The following KAT2B variants were observed in gnomAD, a reference collection of about 807,000 sequenced individuals.
The protein encoded by KAT2B is histone acetyltransferase KAT2B.
KAT2B carries 36 observed loss-of-function variants against 105.9 expected under a neutral mutation model. The ratio of observed to expected loss-of-function variants is 0.34; its 90% confidence interval spans 0.26 to 0.45. The LOEUF is 0.45. Ranked by LOEUF, KAT2B falls within the 20% of genes least tolerant of loss-of-function variation. KAT2B has a pLI of 1.00. For missense variants in KAT2B, 820 were observed against 1,021.6 expected (o/e 0.80, Z 2.69); for synonymous variants, 397 against 377.9 (o/e 1.05, Z -0.59).
At chr3:20,145,554 GTTTT>G (rs550166293) in intron 13 of KAT2B, among the ~76,000 whole-genome samples, 18,148 of 93,170 alleles carry the variant, frequency 0.19, 760 homozygotes, top group East Asian at 0.47. Context: ...GATTTTTTTA[GTTTT>G]TTTTTTTTTT....
At chr3:20,097,748 G>A (rs1698836327) in intron 3 of KAT2B, among the ~76,000 whole-genome samples, 1 of 151,986 alleles carries the variant, frequency 6.6e-6, no homozygotes, top group African/African-American at 2.4e-5. Flanking sequence ...TGTCGGCCAC[G>A]CTTGTCTTGA....
At position 20,122,827 on chromosome 3, in the gene KAT2B, G is replaced by C. The variant is rs1490215461; in HGVS notation, c.1413+23G>C. On this transcript the variant is annotated intron_variant, in intron 9 of 17. Coordinates refer to ENST00000263754, the MANE Select transcript of KAT2B (RefSeq NM_003884.5). Reference sequence around the variant, plus strand: ...GAGGTCAGCAGGGTAAACCTGGGCAGCCAGCTGGTAGACCTCTTCTGCTCT... The same window carrying C: ...GAGGTCAGCAGGGTAAACCTGGGCACCCAGCTGGTAGACCTCTTCTGCTCT... 5.6e-6 allele frequency: 9 copies of C among 1,595,804 alleles called. No homozygotes were observed. In the Admixed American group the frequency reaches 1.4e-4, roughly 24 times the overall value.
At chr3:20,133,748 C>G (rs1292540802) in intron 11 of KAT2B, among the ~76,000 whole-genome samples, 2 of 152,132 alleles carry the variant, frequency 1.3e-5, no homozygotes, top group Admixed American at 6.5e-5. Context: ...CATTTTTCAC[C>G]AGTGGTGTTG....
At chr3:20,143,427 C>G (rs1699727847) in intron 13 of KAT2B, among the ~76,000 whole-genome samples, 1 of 152,206 alleles carries the variant, frequency 6.6e-6, no homozygotes, top group South Asian at 2.1e-4. Flanking sequence ...CTTATACACT[C>G]TTGGTGGGAA....
chr3:20,145,664 A>G (rs1207293232), intron 13 of KAT2B, among the ~76,000 whole-genome samples: 4 of 149,710 alleles, frequency 2.7e-5, no homozygotes, highest in Non-Finnish European at 5.9e-5. Flanking sequence ...ACATCTCTCA[A>G]AATTTCTCAG....
intron 1 of KAT2B, among the ~76,000 whole-genome samples, chr3:20,059,010 A>C (rs1444833722): frequency 2.0e-5 from 3 of 152,214 alleles, no homozygotes; most frequent in African/African-American, 7.2e-5. Flanking sequence ...TTTGAGAAGC[A>C]CTACTCCTAA....
chr3:20,139,613 ATATAT>A lies in KAT2B; in HGVS notation c.1861-604_1861-600del, dbSNP rs550129173. Reference sequence around the variant, plus strand: ...AAGGCAAATTATGTTTATATTATAAATATATTATTTATAATTTTGAATATATACTC... The same window carrying A: ...AAGGCAAATTATGTTTATATTATAAATATTTATAATTTTGAATATATACTC... On this transcript the variant is annotated intron_variant, in intron 12 of 17. Transcript: ENST00000263754. Among the ~76,000 whole-genome samples, 11 of 152,062 alleles carry A rather than the reference ATATAT, an allele frequency of 7.2e-5. No individual in the cohort carries two copies. In the East Asian group the frequency reaches 2.1e-3, roughly 29 times the overall value.
At chr3:20,086,679 C>G (rs774193696) in intron 2 of KAT2B, among the ~76,000 whole-genome samples, 3 of 152,188 alleles carry the variant, frequency 2.0e-5, no homozygotes, top group Non-Finnish European at 2.9e-5. Context: ...CATCACTCTG[C>G]CTTTCAATTA....
intron 2 of KAT2B, 88 bp downstream of exon 2, chr3:20,072,547 T>G: frequency 1.6e-6 from 2 of 1,278,566 alleles, no homozygotes; most frequent in Non-Finnish European, 1.1e-6. Flanking sequence ...TTCACCAAAT[T>G]TGAATGCTGT....
At position 20,147,841 on chromosome 3, in the gene KAT2B, G is replaced by T. The variant is rs752008987; in HGVS notation, c.2120-122G>T. ...TAACTAATTGCCATTAATTTCAGTC[G>T]TCTCTCAGAAGTAGACTTTTATTGT... On this transcript the variant is annotated intron_variant, in intron 14 of 17. Coordinates refer to ENST00000263754, the MANE Select transcript of KAT2B (RefSeq NM_003884.5). The T allele has an allele frequency of 4.8e-6, 4 of 841,166 alleles. 1 individual carries two copies. The African/African-American group carries it at 7.0e-5, about 15-fold the overall frequency. 52.1% of individuals were successfully genotyped at this position (841,166 alleles called of 1,614,324 possible). A position where few individuals can be genotyped will look rare whatever the true frequency, so the allele number is the denominator to read the frequency against.
At position 20,111,463 on chromosome 3, in the gene KAT2B, GA is replaced by G. The variant is rs143107074; in HGVS notation, c.852-132del. The G allele has an allele frequency of 9.1e-4, 590 of 646,840 alleles. 2 individuals carry two copies. In the African/African-American group the frequency reaches 9.8e-3, roughly 11 times the overall value. 40.1% of individuals were successfully genotyped at this position (646,840 alleles called of 1,614,324 possible). A position where few individuals can be genotyped will look rare whatever the true frequency, so the allele number is the denominator to read the frequency against. Reference sequence around the variant, plus strand: ...TTCCCAAGTTTCACTAGCTGGCAGGGATATTGTTGCTTGTTATTGCAGGCCT... The same window carrying G: ...TTCCCAAGTTTCACTAGCTGGCAGGGTATTGTTGCTTGTTATTGCAGGCCT... On this transcript the variant is annotated intron_variant, in intron 5 of 17. Transcript: ENST00000263754.
At chr3:20,051,188 A>G (rs1697909539) in intron 1 of KAT2B, among the ~76,000 whole-genome samples, 1 of 133,648 alleles carries the variant, frequency 7.5e-6, no homozygotes, top group African/African-American at 2.9e-5. Flanking sequence ...TGACAGAGCA[A>G]TACTCTGTCT....
At chr3:20,071,523 A>G (rs1341385060) in intron 1 of KAT2B, among the ~76,000 whole-genome samples, 3 of 152,230 alleles carry the variant, frequency 2.0e-5, no homozygotes, top group Non-Finnish European at 4.4e-5. Flanking sequence ...CTGCTGAAGC[A>G]TACAGTGTGG....
At chr3:20,078,200 A>ATAAT (rs1438407865) in intron 2 of KAT2B, among the ~76,000 whole-genome samples, 7 of 152,028 alleles carry the variant, frequency 4.6e-5, no homozygotes, top group Non-Finnish European at 8.8e-5. Flanking sequence ...AAATAAATAA[A>ATAAT]TAAATAAAAA....
At chr3:20,084,568 A>G (rs1698580777) in intron 2 of KAT2B, among the ~76,000 whole-genome samples, 1 of 152,130 alleles carries the variant, frequency 6.6e-6, no homozygotes, top group Non-Finnish European at 1.5e-5. Flanking sequence ...ATATTGCATT[A>G]TGGTAATAAA....
At chr3:20,074,564 A>G (rs577849493) in intron 2 of KAT2B, among the ~76,000 whole-genome samples, 1 of 152,222 alleles carries the variant, frequency 6.6e-6, no homozygotes. Flanking sequence ...TAGTGGTACT[A>G]TAACACTATC....
At chr3:20,116,432 A>G (rs1045338219) in intron 7 of KAT2B, among the ~76,000 whole-genome samples, 5 of 152,158 alleles carry the variant, frequency 3.3e-5, no homozygotes, top group African/African-American at 4.8e-5. Flanking sequence ...TGGCAGCACA[A>G]TGGAATCACC....
At chr3:20,142,309 T>C (rs989017684) in intron 13 of KAT2B, among the ~76,000 whole-genome samples, 2 of 152,082 alleles carry the variant, frequency 1.3e-5, no homozygotes, top group African/African-American at 4.8e-5. Context: ...GTTGAATGGG[T>C]GATGGAGGTT....
At chr3:20,130,384 C>T (rs369929349) in intron 11 of KAT2B, among the ~76,000 whole-genome samples, 29 of 152,222 alleles carry the variant, frequency 1.9e-4, no homozygotes, top group South Asian at 6.2e-4. Context: ...CATTATTCTC[C>T]GCTAGCCAAA....
Sources: allele counts gnomAD v4.1 joint callset (sites outside exome capture counted in the v4.1 genomes callset), GRCh38; gene constraint gnomAD v4.1.1; transcripts MANE v1.5; gene names NCBI Gene and HGNC (gene_info 2026-07-23, HGNC 2026-07-21).